Variants in ELP3 observed in about 807,000 individuals in gnomAD.
ELP3 encodes elongator acetyltransferase complex subunit 3.
Under a neutral mutation model 74.9 loss-of-function variants are expected in ELP3, and 56 were observed. The ratio of observed to expected loss-of-function variants is 0.75; its 90% CI spans 0.60 to 0.93. The LOEUF is 0.93. Among genes scored for constraint, ELP3 ranks in the 40% least tolerant of loss-of-function variants. The pLI, the probability that ELP3 is intolerant of heterozygous loss-of-function variation, is 0.00. For missense variants in ELP3, 573 were observed against 686.5 expected, an observed-to-expected ratio of 0.83 and a Z score of 1.85; for synonymous variants, 222 against 239.8, an observed-to-expected ratio of 0.93 and a Z score of 0.68.
chr8:28,135,487 G>A, intron 9 of ELP3, among the ~76,000 whole-genome samples: 1 of 152,182 alleles, frequency 6.6e-6, no homozygotes, highest in Non-Finnish European at 1.5e-5. Flanking sequence ...GACATCCAGA[G>A]AGTAGGGCGG....
chr8:28,154,649 A>G (rs987003054), intron 10 of ELP3, among the ~76,000 whole-genome samples: 2 of 152,170 alleles, frequency 1.3e-5, no homozygotes, highest in Non-Finnish European at 2.9e-5. Context: ...AAAAATATAC[A>G]TATGTTCCTT....
intron 1 of ELP3, among the ~76,000 whole-genome samples, chr8:28,095,462 C>T (rs1267393622): frequency 6.6e-6 from 1 of 152,206 alleles, no homozygotes; most frequent in Non-Finnish European, 1.5e-5. Flanking sequence ...CTTCCTCTGC[C>T]ATGACCACCA....
Position 28,113,150 on chromosome 8 carries a change from C to G in ELP3, c.594C>G (p.Ser198=). Reference sequence around the variant, plus strand: ...ATGATGCCTTATCAGGACATACTTCCAACAATATTTACGAGGCAGTCAAGT... The same window carrying G: ...ATGATGCCTTATCAGGACATACTTCGAACAATATTTACGAGGCAGTCAAGT... ...NLHDALSGHT[S]NNIYEAVKYS... The change falls in exon 7 of 15, where the codon TCC becomes TCG. Residue 198 remains serine (S), a synonymous_variant. Coordinates refer to ENST00000256398, the MANE Select transcript of ELP3 (RefSeq NM_018091.6). 1.2e-6 allele frequency: 2 copies of G among 1,612,808 alleles called. No individual in the cohort carries two copies. Among genetic ancestry groups the G allele is most frequent in the South Asian group, 2.2e-5 (2 of 90,828 alleles).
intron 1 of ELP3, chr8:28,093,443 C>A: frequency 1.6e-6 from 1 of 624,826 alleles, no homozygotes; most frequent in Non-Finnish European, 2.8e-6. Context: ...CTCTCTTCCT[C>A]TTTGGCAGTC....
At chr8:28,165,874 A>G (rs544821349) in intron 14 of ELP3, among the ~76,000 whole-genome samples, 1 of 152,316 alleles carries the variant, frequency 6.6e-6, no homozygotes, top group Admixed American at 6.5e-5. Flanking sequence ...ATAGGTATAT[A>G]CTGTGTATTT....
intron 7 of ELP3, among the ~76,000 whole-genome samples, chr8:28,120,747 C>T (rs1280542794): frequency 6.6e-6 from 1 of 152,140 alleles, no homozygotes; most frequent in African/African-American, 2.4e-5. Flanking sequence ...GATCAAGGTT[C>T]CTTTTTCCCC....
At chr8:28,174,969 T>G (rs1814684195) in intron 14 of ELP3, among the ~76,000 whole-genome samples, 1 of 152,208 alleles carries the variant, frequency 6.6e-6, no homozygotes, top group Admixed American at 6.5e-5. Flanking sequence ...AAATGTGCCA[T>G]CCCATTGCCT....
chr8:28,162,242 A>G (rs1405138743), intron 14 of ELP3, among the ~76,000 whole-genome samples, 164 bp downstream of exon 14: 3 of 152,218 alleles, frequency 2.0e-5, no homozygotes, highest in African/African-American at 7.2e-5. Context: ...TCACAAAAGC[A>G]GTTTAGTGGA....
intron 1 of ELP3, 93 bp from the exon 2 acceptor site, chr8:28,097,126 T>C (rs1388806151): frequency 6.6e-6 from 5 of 762,598 alleles, no homozygotes; most frequent in Non-Finnish European, 1.1e-5. Context: ...GGCATATTTG[T>C]ATGGTTTCGG....
intron 7 of ELP3, among the ~76,000 whole-genome samples, chr8:28,127,981 T>C (rs13248070): frequency 0.27 from 40,471 of 152,040 alleles, 5,988 homozygotes; most frequent in South Asian, 0.33. Flanking sequence ...CAATTAAGAG[T>C]GAAAGAGTGA....
At chr8:28,137,431 A>G (rs925818147) in intron 9 of ELP3, among the ~76,000 whole-genome samples, 47 of 152,206 alleles carry the variant, frequency 3.1e-4, no homozygotes, top group African/African-American at 1.1e-3. Flanking sequence ...GAAAGGCCAG[A>G]TGGTGAGGGG....
intron 7 of ELP3, among the ~76,000 whole-genome samples, chr8:28,128,583 A>G (rs1563262379): frequency 1.3e-5 from 2 of 152,248 alleles, no homozygotes. Context: ...CTTTGAAGTC[A>G]GGTGGACCCA....
rs1023971487 is a variant in ELP3, at chr8:28,147,637, CTGTG to C, written c.1101-8299_1101-8296del. On this transcript the variant is annotated intron_variant, in intron 10 of 14. Transcript: ENST00000256398. The surrounding 1 kb of genome is among the most constrained non-coding windows in gnomAD (Gnocchi z 4.5). ...TATATATATAAATATATGTCTCTCTCTGTGTGTGTATGTGTGTATGCATGCATAT... is the reference window on the plus strand; with the variant it reads ...TATATATATAAATATATGTCTCTCTCTGTGTATGTGTGTATGCATGCATAT... Among the ~76,000 whole-genome samples, 8 of 152,118 alleles carry C rather than the reference CTGTG, an allele frequency of 5.3e-5. No individual in the cohort carries two copies. Among genetic ancestry groups the C allele is most frequent in the African/African-American group, 1.7e-4 (7 of 41,414 alleles).
intron 14 of ELP3, among the ~76,000 whole-genome samples, chr8:28,163,848 T>C (rs1160566820): frequency 6.6e-6 from 1 of 152,212 alleles, no homozygotes; most frequent in Non-Finnish European, 1.5e-5. Context: ...CCTGGAGATC[T>C]TGTTAAAATG....
intron 2 of ELP3, 83 bp downstream of exon 2, chr8:28,097,401 A>G: frequency 2.3e-6 from 2 of 860,470 alleles, no homozygotes. Context: ...CTTGTTTTCC[A>G]GCTCAAGTTT....
chr8:28,096,213 G>A (rs1173807350), intron 1 of ELP3, among the ~76,000 whole-genome samples: 3 of 152,130 alleles, frequency 2.0e-5, no homozygotes, highest in Admixed American at 1.3e-4. Flanking sequence ...CAAGCTCAGG[G>A]TTCCCACTGA....
chr8:28,100,660 A>G (rs372494900), intron 3 of ELP3, among the ~76,000 whole-genome samples: 1 of 152,236 alleles, frequency 6.6e-6, no homozygotes, highest in Non-Finnish European at 1.5e-5. Flanking sequence ...ATAGGAAACA[A>G]AAGTTTTGAA....
intron 2 of ELP3, 138 bp downstream of exon 2, chr8:28,097,456 ATTTC>A: frequency 1.9e-6 from 1 of 521,582 alleles, no homozygotes; most frequent in Non-Finnish European, 3.3e-6. Flanking sequence ...CTTGTCATTC[ATTTC>A]TTTTTTTTTT....
At chr8:28,094,808 G>A (rs1441956505) in intron 1 of ELP3, among the ~76,000 whole-genome samples, 1 of 152,132 alleles carries the variant, frequency 6.6e-6, no homozygotes. Flanking sequence ...GTAGGCATTG[G>A]GACTGGATCC....
Sources: allele counts gnomAD v4.1 joint callset (sites outside exome capture counted in the v4.1 genomes callset), GRCh38; gene constraint gnomAD v4.1.1; non-coding constraint Gnocchi (gnomAD v3.1); transcripts MANE v1.5; gene names NCBI Gene and HGNC (gene_info 2026-07-23, HGNC 2026-07-21).